The following CHN2 variants were observed in gnomAD, a reference collection of about 807,000 sequenced individuals.
The protein encoded by CHN2 is beta-chimaerin.
A neutral mutation model predicts 56.3 loss-of-function variants in CHN2; 35 were observed. The observed-to-expected ratio is 0.62, with a 90% CI of 0.47 to 0.82. The LOEUF (loss-of-function observed/expected upper bound fraction) is 0.82. Ranked by LOEUF, CHN2 falls within the 40% of genes least tolerant of loss-of-function variation. The pLI, the probability that CHN2 is intolerant of heterozygous loss-of-function variation, is 0.00. For synonymous variants in CHN2, 210 were observed against 212.8 expected (o/e 0.99, Z 0.12); for missense variants, 491 against 580.5 (o/e 0.85, Z 1.58).
chr7:29,352,593 C>T (rs946731586), intron 1 of CHN2, among the ~76,000 whole-genome samples: 2 of 151,960 alleles, frequency 1.3e-5, no homozygotes, highest in Non-Finnish European at 2.9e-5. Context: ...TGTGGTGGCA[C>T]ACGCCTGTAA....
At chr7:29,458,377 GCACACACACACACACA>G (rs58364010) in intron 6 of CHN2, among the ~76,000 whole-genome samples, 39 of 136,016 alleles carry the variant, frequency 2.9e-4, no homozygotes, top group Admixed American at 4.5e-4. Context: ...GCATAGCTGT[GCACACACACACACACA>G]CACACACACA....
chr7:29,499,481 G>A (rs187821209), intron 8 of CHN2, among the ~76,000 whole-genome samples: 1 of 152,248 alleles, frequency 6.6e-6, no homozygotes, highest in East Asian at 1.9e-4. Flanking sequence ...GAAAGAGTCT[G>A]GAACAAACCC....
chr7:29,510,949 G>A (rs995402587), intron 12 of CHN2, among the ~76,000 whole-genome samples: 29 of 12,588 alleles, frequency 2.3e-3, no homozygotes, highest in Non-Finnish European at 5.8e-3. Flanking sequence ...CCTAAACCTT[G>A]TGTCTCTCTC....
intron 1 of CHN2, among the ~76,000 whole-genome samples, chr7:29,275,784 G>A (rs1447110618): frequency 6.6e-6 from 1 of 152,184 alleles, no homozygotes; most frequent in African/African-American, 2.4e-5. Flanking sequence ...TGGTTCCGGA[G>A]TTGGTGTCCT....
chr7:29,169,036 T>A (rs988036521), intron 2 of CHN2, among the ~76,000 whole-genome samples: 1 of 152,220 alleles, frequency 6.6e-6, no homozygotes, highest in Non-Finnish European at 1.5e-5. Flanking sequence ...TGGACTCAAA[T>A]TGTGGTTTGA....
chr7:29,221,416 A>G (rs191079667), intron 1 of CHN2, among the ~76,000 whole-genome samples: 1 of 152,360 alleles, frequency 6.6e-6, no homozygotes, highest in East Asian at 1.9e-4. Context: ...CATAATTTAT[A>G]GTAACGTTAA....
chr7:29,147,033 C>G, intron 2 of CHN2: 2 of 1,539,838 alleles, frequency 1.3e-6, no homozygotes, highest in Non-Finnish European at 1.8e-6. Flanking sequence ...TCAGAGCCAC[C>G]TGATGTGTTC....
chr7:29,453,284 C>T (rs1425979379), intron 6 of CHN2, among the ~76,000 whole-genome samples: 1 of 152,168 alleles, frequency 6.6e-6, no homozygotes, highest in African/African-American at 2.4e-5. Context: ...AGGAACATAC[C>T]CTCCCCAGTC....
At chr7:29,247,506 A>G (rs985735036) in intron 1 of CHN2, among the ~76,000 whole-genome samples, 2 of 152,082 alleles carry the variant, frequency 1.3e-5, no homozygotes, top group African/African-American at 4.8e-5. Flanking sequence ...CTGCTTCCTG[A>G]GCTCAGCTTG....
chr7:29,438,319 C>T (rs1410513051), intron 6 of CHN2, among the ~76,000 whole-genome samples: 1 of 152,212 alleles, frequency 6.6e-6, no homozygotes, highest in African/African-American at 2.4e-5. Flanking sequence ...GTTAAAGTAA[C>T]ACTAGAATCT....
chr7:29,210,716 G>A (rs535295142), intron 1 of CHN2, among the ~76,000 whole-genome samples: 2 of 152,172 alleles, frequency 1.3e-5, no homozygotes, highest in South Asian at 4.2e-4. Flanking sequence ...GGAAATGCTG[G>A]GGGTAAGGGG....
chr7:29,192,292 G>A (rs1057043264), upstream of CHN2: 8 of 152,086 alleles, frequency 5.3e-5, no homozygotes, highest in Admixed American at 3.3e-4. Flanking sequence ...AAATACCCCC[G>A]TCCCTTCATC....
chr7:29,346,169 G>A (rs1383406215), intron 1 of CHN2, among the ~76,000 whole-genome samples: 1 of 152,166 alleles, frequency 6.6e-6, no homozygotes, highest in Admixed American at 6.5e-5. Flanking sequence ...CGCAGCTCAG[G>A]CCTGGCACCA....
At chr7:29,404,469 A>G (rs758715176) in intron 6 of CHN2, among the ~76,000 whole-genome samples, 8 of 152,218 alleles carry the variant, frequency 5.3e-5, no homozygotes, top group Non-Finnish European at 7.3e-5. Flanking sequence ...TTCACTGTTC[A>G]TTATAGCAGC....
chr7:29,292,552 C>T (rs937271346), intron 1 of CHN2, among the ~76,000 whole-genome samples: 11 of 152,302 alleles, frequency 7.2e-5, no homozygotes, highest in Admixed American at 3.9e-4. Flanking sequence ...CTACAGCTTC[C>T]GCTTCTATAA....
At chr7:29,338,352 A>G (rs1796783543) in intron 1 of CHN2, among the ~76,000 whole-genome samples, 1 of 152,176 alleles carries the variant, frequency 6.6e-6, no homozygotes, top group Non-Finnish European at 1.5e-5. Flanking sequence ...GTGTGATAAT[A>G]TATGTGCAGT....
intron 1 of CHN2, among the ~76,000 whole-genome samples, chr7:29,313,883 C>T (rs946745941): frequency 6.6e-6 from 1 of 152,168 alleles, no homozygotes; most frequent in Admixed American, 6.5e-5. Context: ...CTTGGAGTCA[C>T]AGGCTCTCAG....
intron 3 of CHN2, among the ~76,000 whole-genome samples, chr7:29,374,463 C>T (rs1298746794): frequency 2.6e-5 from 4 of 152,128 alleles, no homozygotes; most frequent in Non-Finnish European, 5.9e-5. Context: ...CATACTCCCC[C>T]TGCCTCCAAA....
upstream of CHN2, chr7:29,193,692 G>A (rs1208127745): frequency 2.0e-5 from 3 of 152,184 alleles, no homozygotes; most frequent in Non-Finnish European, 1.5e-5. Flanking sequence ...GACACACCTT[G>A]TGCTCGAGTC....
Sources: allele counts gnomAD v4.1 joint callset (sites outside exome capture counted in the v4.1 genomes callset), GRCh38; gene constraint gnomAD v4.1.1; transcripts MANE v1.5; gene names NCBI Gene and HGNC (gene_info 2026-07-23, HGNC 2026-07-21).